ADGB: variants seen among roughly 807,000 people sequenced by gnomAD.
ADGB encodes the protein calpain-7-like protein.
A neutral mutation model predicts 210.5 loss-of-function variants in ADGB; 172 were observed. The ratio of observed to expected loss-of-function variants is 0.82; its 90% CI spans 0.72 to 0.93. The LOEUF (loss-of-function observed/expected upper bound fraction) is 0.93, where lower values mean the gene tolerates loss of function less well. ADGB is among the 40% of genes least tolerant of loss of function. The pLI is 0.00. For missense variants in ADGB, 2,025 were observed against 1,964.8 expected (o/e 1.03, Z -0.58); for synonymous variants, 658 against 662.7 (o/e 0.99, Z 0.11).
At position 146,644,856 on chromosome 6, in the gene ADGB, A is replaced by G. The variant is rs1210894698; in HGVS notation, c.321A>G (p.Leu107=). Reference sequence around the variant, plus strand: ...CCTGGAAACGTCCACAAGATATTTTATTTAGTCAGGTAAGAAAGTTTTTTC... The same window carrying G: ...CCTGGAAACGTCCACAAGATATTTTGTTTAGTCAGGTAAGAAAGTTTTTTC... ...IYSWKRPQDI[L]FSQTPVVVKN... Residue 107 remains leucine, a synonymous_variant, in exon 3 of 36, where the codon TTA becomes TTG. Coordinates refer to ENST00000397944, the MANE Select transcript of ADGB (RefSeq NM_024694.4). The G allele has an allele frequency of 4.1e-6, 6 of 1,478,334 alleles. No individual in the cohort carries two copies. The African/African-American group carries it at 5.7e-5, about 14-fold the overall frequency. The allele number at this position is 1,478,334 out of a possible 1,614,324, so 91.6% of individuals were successfully genotyped here.
At chr6:146,622,210 G>T (rs926588287) in intron 1 of ADGB, among the ~76,000 whole-genome samples, 10 of 152,020 alleles carry the variant, frequency 6.6e-5, no homozygotes, top group Admixed American at 5.9e-4. Flanking sequence ...ACATTACCAG[G>T]AACTTAGTTA....
Position 146,736,552 on chromosome 6 carries a change from T to C in ADGB, c.2849T>C (p.Leu950Ser), listed in dbSNP as rs1363028196. The stretch of plus-strand genomic sequence containing the variant: ...ACTCTTCAAAAAGTTTGGGCTGTAT[T>C]GGAAATGAATTTAGAACAGTATGCA... The part of the protein sequence containing the change: ...ADTLQKVWAV[L>S]EMNLEQYAVS... The change falls in exon 23 of 36, where the codon TTG becomes TCG. Residue 950 changes from leucine to serine, a missense_variant. By Grantham distance (145) the Leu-to-Ser change is moderately radical. Transcript: ENST00000397944. The C allele has an allele frequency of 6.5e-7, 1 of 1,549,632 alleles. No homozygotes were observed. The highest frequency in any genetic ancestry group is 2.4e-5 in the East Asian group (1 of 40,842).
chr6:146,790,854 T>C (rs1451308534), intron 33 of ADGB, among the ~76,000 whole-genome samples: 1 of 152,198 alleles, frequency 6.6e-6, no homozygotes, highest in Non-Finnish European at 1.5e-5. Flanking sequence ...CAATGCTTGT[T>C]ATCTCTCATC....
chr6:146,739,549 T>C (rs1054111614), intron 23 of ADGB, among the ~76,000 whole-genome samples: 7 of 152,166 alleles, frequency 4.6e-5, no homozygotes, highest in African/African-American at 1.7e-4. Flanking sequence ...CAAAAGCCTA[T>C]GATCAACAAA....
chr6:146,718,890 C>A (rs750533907), intron 16 of ADGB, among the ~76,000 whole-genome samples: 5 of 152,100 alleles, frequency 3.3e-5, no homozygotes, highest in Non-Finnish European at 7.4e-5. Context: ...TTCACCTAGT[C>A]CTGGAGTATG....
chr6:146,758,293 T>C (rs181737431), intron 27 of ADGB, among the ~76,000 whole-genome samples: 342 of 152,210 alleles, frequency 2.2e-3, no homozygotes, highest in African/African-American at 7.6e-3. Context: ...ACCGGTATTA[T>C]AGTTTAGTTC....
At chr6:146,637,124 C>T (rs7760397) in intron 2 of ADGB, among the ~76,000 whole-genome samples, 8,193 of 151,930 alleles carry the variant, frequency 0.054, 744 homozygotes, top group African/African-American at 0.18. Context: ...TGAGGGAGGC[C>T]CAAATCCTGG....
chr6:146,813,436 C>T (rs1778332373), intron 35 of ADGB, among the ~76,000 whole-genome samples: 1 of 145,260 alleles, frequency 6.9e-6, no homozygotes, highest in African/African-American at 2.5e-5. Context: ...ATTTGGGCCA[C>T]AACTACAGAT....
chr6:146,747,931 T>G (rs957882184), intron 26 of ADGB, among the ~76,000 whole-genome samples: 1 of 151,256 alleles, frequency 6.6e-6, no homozygotes, highest in African/African-American at 2.4e-5. Flanking sequence ...TACAGGTGCA[T>G]GCCACCAAGC....
chr6:146,677,564 T>A (rs1776102680), intron 9 of ADGB, among the ~76,000 whole-genome samples: 1 of 152,214 alleles, frequency 6.6e-6, no homozygotes, highest in African/African-American at 2.4e-5. Context: ...CAATATTTTT[T>A]GATAGTGAGA....
At chr6:146,760,425 T>C (rs1777469197) in intron 27 of ADGB, among the ~76,000 whole-genome samples, 1 of 147,960 alleles carries the variant, frequency 6.8e-6, no homozygotes, top group African/African-American at 2.5e-5. Context: ...TGTTATTGCA[T>C]ATAACACTAT....
chr6:146,717,541 TA>T lies in ADGB; in HGVS notation c.1935del (p.Tyr646IlefsTer31). 1 of 1,387,638 alleles carries T rather than the reference TA, an allele frequency of 7.2e-7. No homozygotes were observed. 86.0% of individuals were successfully genotyped at this position (1,387,638 alleles called of 1,614,324 possible). On this transcript the variant is annotated frameshift_variant, in exon 16 of 36. Coordinates refer to ENST00000397944, the MANE Select transcript of ADGB (RefSeq NM_024694.4). LOFTEE classifies it high-confidence loss of function. Reference sequence around the variant, plus strand: ...TAAAAATGTCTTTCTTTCAGAAATATATATATTTTCCACAAGCCAAGTTCAT... The same window carrying T: ...TAAAAATGTCTTTCTTTCAGAAATATTATATTTTCCACAAGCCAAGTTCAT... ...FEDFCVCFQN[I>X]YIFHKPSSYC...
intron 33 of ADGB, among the ~76,000 whole-genome samples, chr6:146,800,532 C>CT (rs943462342): frequency 5.2e-5 from 4 of 76,702 alleles, no homozygotes; most frequent in South Asian, 7.4e-4. Context: ...ACTTCAGTAG[C>CT]TTTTTTTTAA....
chr6:146,726,076 T>C lies in ADGB; in HGVS notation c.2238-7T>C. On this transcript the variant is annotated splice_polypyrimidine_tract_variant and splice_region_variant and intron_variant, in intron 18 of 35. Coordinates refer to ENST00000397944, the MANE Select transcript of ADGB (RefSeq NM_024694.4). The stretch of plus-strand genomic sequence containing the variant: ...CTCGGTTATCATCCGGCATCCCTTC[T>C]CTTTAGGAGACACATGCTACTCTTC... 6.7e-7 allele frequency: 1 copy of C among 1,502,242 alleles called. No individual in the cohort carries two copies. The highest frequency in any genetic ancestry group is 9.0e-7 in the Non-Finnish European group (1 of 1,107,774). 93.1% of individuals were successfully genotyped at this position (1,502,242 alleles called of 1,614,324 possible).
At chr6:146,633,684 T>C (rs1107205) in intron 1 of ADGB, among the ~76,000 whole-genome samples, 123,367 of 151,930 alleles carry the variant, frequency 0.81, 50,720 homozygotes, top group African/African-American at 0.95. Flanking sequence ...TTACTATAGA[T>C]ATTTTCCTTA....
At chr6:146,737,527 A>G (rs992956581) in intron 23 of ADGB, among the ~76,000 whole-genome samples, 1 of 152,216 alleles carries the variant, frequency 6.6e-6, no homozygotes, top group African/African-American at 2.4e-5. Flanking sequence ...ACATCAATTT[A>G]CATTTTCAAG....
intron 13 of ADGB, among the ~76,000 whole-genome samples, chr6:146,704,139 G>A (rs150982648): frequency 4.0e-5 from 6 of 151,758 alleles, no homozygotes; most frequent in African/African-American, 9.6e-5. Flanking sequence ...CAGATTCTTC[G>A]CTCATTTTTC....
At chr6:146,687,887 G>T (rs901021895) in intron 10 of ADGB, among the ~76,000 whole-genome samples, 10 of 152,008 alleles carry the variant, frequency 6.6e-5, no homozygotes, top group African/African-American at 2.4e-4. Context: ...CAGGATAAAA[G>T]CATTACAAAA....
At chr6:146,780,421 A>C (rs558462419) in intron 29 of ADGB, among the ~76,000 whole-genome samples, 32 of 152,302 alleles carry the variant, frequency 2.1e-4, no homozygotes, top group African/African-American at 7.0e-4. Flanking sequence ...AATGGCCAAC[A>C]AACACATGAC....
Sources: allele counts gnomAD v4.1 joint callset (sites outside exome capture counted in the v4.1 genomes callset), GRCh38; gene constraint gnomAD v4.1.1; transcripts MANE v1.5; gene names NCBI Gene and HGNC (gene_info 2026-07-23, HGNC 2026-07-21).